The following PRORP variants were observed in gnomAD, a reference collection of about 807,000 sequenced individuals.
The protein encoded by PRORP is mitochondrial ribonuclease P catalytic subunit.
A neutral mutation model predicts 59.4 loss-of-function variants in PRORP; 51 were observed. The observed-to-expected ratio is 0.86, with a 90% CI of 0.69 to 1.08. The LOEUF (loss-of-function observed/expected upper bound fraction) is 1.08. Among genes scored for constraint, PRORP ranks in the 50% least tolerant of loss-of-function variants. The pLI is 0.00. For missense variants in PRORP, 646 were observed against 690.3 expected, an observed-to-expected ratio of 0.94 and a Z score of 0.72; for synonymous variants, 231 against 245.6, an observed-to-expected ratio of 0.94 and a Z score of 0.55.
At chr14:35,190,942 T>C (rs2048867933) in intron 5 of PRORP, among the ~76,000 whole-genome samples, 1 of 152,260 alleles carries the variant, frequency 6.6e-6, no homozygotes, top group African/African-American at 2.4e-5. Flanking sequence ...CTTTTTTCTT[T>C]TTTAATTTAA....
chr14:35,254,831 CCCA>C (rs948705690), intron 5 of PRORP, among the ~76,000 whole-genome samples: 2 of 152,292 alleles, frequency 1.3e-5, no homozygotes, highest in African/African-American at 4.8e-5. Flanking sequence ...ATGTCATCCT[CCCA>C]CACCTCTGCT....
chr14:35,262,362 T>TCTCGGTG, intron 5 of PRORP: 1 of 330,528 alleles, frequency 3.0e-6, no homozygotes, highest in Non-Finnish European at 5.8e-6. Context: ...CTAGTGTAGA[T>TCTCGGTG]GTTTGCCTTT....
In PRORP at chr14:35,180,526, C is replaced by CTGTGTGTGTGTGTGTGTGTGTGTGTG. The variant is rs3058430; in HGVS notation, c.1168-119_1168-118insGTGTGTGTGTGTGTGTGTGTGTGTGT. On this transcript the variant is annotated intron_variant, in intron 4 of 7. Transcript: ENST00000534898. ...TTTTCAGATTTCATTTGTAGAGTAT[C>CTGTGTGTGTGTGTGTGTGTGTGTGTG]TGTGTGTGTGTGTGTGTGTGTGTGT... 1.5e-3 allele frequency: 824 copies of CTGTGTGTGTGTGTGTGTGTGTGTGTG among 537,948 alleles called. 3 individuals are homozygous for CTGTGTGTGTGTGTGTGTGTGTGTGTG. Among genetic ancestry groups the CTGTGTGTGTGTGTGTGTGTGTGTGTG allele is most frequent in the Admixed American group, 2.7e-3 (80 of 30,142 alleles). The allele number at this position is 537,948 out of a possible 1,614,324, so 33.3% of individuals were successfully genotyped here.
chr14:35,124,242 T>C lies in PRORP; in HGVS notation c.986+11T>C, dbSNP rs772261209. 4 of 1,508,778 alleles carry C rather than the reference T, an allele frequency of 2.7e-6. No individual in the cohort carries two copies. The Admixed American group carries it at 9.2e-5, about 35-fold the overall frequency. The allele number at this position is 1,508,778 out of a possible 1,614,324, so 93.5% of individuals were successfully genotyped here. A position where few individuals can be genotyped will look rare whatever the true frequency, so the allele number is the denominator to read the frequency against. On this transcript the variant is annotated intron_variant, in intron 2 of 7. Transcript: ENST00000534898. ...AACATGGTTTGAGAGGTAATTTTGGTTTTTTTATATGTATGTTTTTATTCT... is the reference window on the plus strand; with the variant it reads ...AACATGGTTTGAGAGGTAATTTTGGCTTTTTTATATGTATGTTTTTATTCT...
At chr14:35,157,247 G>T (rs1485475976) in intron 4 of PRORP, among the ~76,000 whole-genome samples, 1 of 151,830 alleles carries the variant, frequency 6.6e-6, no homozygotes, top group East Asian at 1.9e-4. Context: ...GAGCCACCGC[G>T]CCCGGACGTT....
rs540554879 is a variant in PRORP at position 35,152,675 on chromosome 14, G to A, written c.1167+25064G>A. Among the ~76,000 whole-genome samples, 6 of 151,704 alleles carry A rather than the reference G, an allele frequency of 4.0e-5. No individual in the cohort carries two copies. The South Asian group carries it at 1.0e-3, about 26-fold the overall frequency. On this transcript the variant is annotated intron_variant, in intron 4 of 7. Transcript: ENST00000534898. ...CGGAGACGCTCCTCACTTCCCAGAC[G>A]GGGCGGCTGCCGGGCGGAGGGGCTC...
chr14:35,165,749 G>T (rs931130088), intron 4 of PRORP, among the ~76,000 whole-genome samples: 1 of 151,692 alleles, frequency 6.6e-6, no homozygotes, highest in African/African-American at 2.4e-5. Context: ...GCATGATCTT[G>T]GTTCACTGCA....
At chr14:35,250,983 T>C (rs2050598185) in intron 5 of PRORP, among the ~76,000 whole-genome samples, 1 of 152,174 alleles carries the variant, frequency 6.6e-6, no homozygotes, top group Non-Finnish European at 1.5e-5. Flanking sequence ...CCGAGCAGTA[T>C]ACATTGCACA....
intron 5 of PRORP, among the ~76,000 whole-genome samples, chr14:35,255,699 T>C (rs1330509149): frequency 6.6e-6 from 1 of 152,162 alleles, no homozygotes; most frequent in African/African-American, 2.4e-5. Flanking sequence ...ACTACCAGTT[T>C]GCAAGAAGCA....
At chr14:35,146,553 T>C (rs1255715270) in intron 4 of PRORP, among the ~76,000 whole-genome samples, 3 of 152,246 alleles carry the variant, frequency 2.0e-5, no homozygotes, top group African/African-American at 7.2e-5. Context: ...ATCTCTAAAA[T>C]GAACTGTGGG....
At chr14:35,164,567 T>C (rs1034169998) in intron 4 of PRORP, among the ~76,000 whole-genome samples, 2 of 152,192 alleles carry the variant, frequency 1.3e-5, no homozygotes, top group African/African-American at 4.8e-5. Context: ...TTCTTACTTA[T>C]AAATGGGAGC....
chr14:35,270,911 G>A (rs959216292), intron 7 of PRORP, among the ~76,000 whole-genome samples: 3 of 151,296 alleles, frequency 2.0e-5, no homozygotes, highest in East Asian at 2.0e-4. Flanking sequence ...GTGAAACCCC[G>A]TCTCTACTAA....
chr14:35,212,435 A>G (rs2049472528), intron 5 of PRORP, among the ~76,000 whole-genome samples: 1 of 152,208 alleles, frequency 6.6e-6, no homozygotes, highest in Non-Finnish European at 1.5e-5. Context: ...TGAAATAATA[A>G]GATTTGAAAG....
chr14:35,230,892 A>G (rs961810176), intron 5 of PRORP, among the ~76,000 whole-genome samples: 4 of 151,778 alleles, frequency 2.6e-5, no homozygotes, highest in African/African-American at 9.7e-5. Flanking sequence ...TACTACTGAG[A>G]AATGTTATGC....
chr14:35,261,374 C>T (rs2050897586), intron 5 of PRORP, among the ~76,000 whole-genome samples: 1 of 152,156 alleles, frequency 6.6e-6, no homozygotes, highest in African/African-American at 2.4e-5. Flanking sequence ...TCCATTTTCC[C>T]TCCTGGTTTT....
intron 5 of PRORP, among the ~76,000 whole-genome samples, chr14:35,256,797 G>A (rs906585972): frequency 2.0e-5 from 3 of 152,058 alleles, no homozygotes; most frequent in African/African-American, 4.8e-5. Context: ...GCAGCTGAGC[G>A]ATGGGTACAT....
chr14:35,249,151 C>T (rs2050552052), intron 5 of PRORP, among the ~76,000 whole-genome samples: 4 of 152,154 alleles, frequency 2.6e-5, no homozygotes, highest in Admixed American at 2.6e-4. Flanking sequence ...TTGCTTTCTC[C>T]TGTCTGCTTT....
intron 7 of PRORP, among the ~76,000 whole-genome samples, chr14:35,272,478 C>A (rs2051217618): frequency 6.6e-6 from 1 of 151,924 alleles, no homozygotes; most frequent in Admixed American, 6.6e-5. Context: ...ATATCCAAAA[C>A]AATAAATTTA....
intron 5 of PRORP, among the ~76,000 whole-genome samples, chr14:35,225,391 G>C (rs1309122471): frequency 6.6e-6 from 1 of 151,862 alleles, no homozygotes; most frequent in Non-Finnish European, 1.5e-5. Context: ...TTGTCGCCCA[G>C]GCTGGAGTGC....
Sources: allele counts gnomAD v4.1 joint callset (sites outside exome capture counted in the v4.1 genomes callset), GRCh38; gene constraint gnomAD v4.1.1; transcripts MANE v1.5; gene names NCBI Gene and HGNC (gene_info 2026-07-23, HGNC 2026-07-21).